PLXNA2: variants seen among roughly 807,000 people sequenced by gnomAD.
PLXNA2 encodes the protein plexin-A2.
In PLXNA2, 91 loss-of-function variants were observed where a neutral mutation model predicts 193.5. That is an observed-to-expected ratio of 0.47 (90% CI 0.40 to 0.56). PLXNA2 has a LOEUF of 0.56. Among genes scored for constraint, PLXNA2 ranks in the 20% least tolerant of loss-of-function variants. The probability of loss-of-function intolerance (pLI) is 0.00; values close to 1 mark genes in which losing one functional copy is unlikely to be tolerated. For missense variants in PLXNA2, 1,995 were observed against 2,503.2 expected (o/e 0.80, Z 4.33); for synonymous variants, 997 against 1,027.3 (o/e 0.97, Z 0.56).
In PLXNA2 at chr1:208,217,604, G is replaced by A; in HGVS notation, c.319C>T (p.Leu107Phe). Residue 107 changes from leucine (L) to phenylalanine (F), a missense_variant, in exon 2 of 32, where the codon CTC (leucine) becomes TTC (phenylalanine). This residue lies in a region of PLXNA2 where 702 missense variants were observed against 812.9 expected (regional missense o/e 0.86). Transcript: ENST00000367033. The surrounding 1 kb of genome is among the most constrained non-coding windows in gnomAD (Gnocchi z 4.7). ...PLIVQPCSEVLTLTNNVNKLL... is the reference protein window; with the variant it reads ...PLIVQPCSEVFTLTNNVNKLL... ...TTGTTGACATTGTTGGTGAGGGTGAGCACTTCGCTGCAGGGCTGCACGATG... is the reference window on the plus strand; with the variant it reads ...TTGTTGACATTGTTGGTGAGGGTGAACACTTCGCTGCAGGGCTGCACGATG... 2 of 1,614,192 alleles carry A rather than the reference G, an allele frequency of 1.2e-6. No individual in the cohort carries two copies. Among genetic ancestry groups the A allele is most frequent in the Non-Finnish European group, 1.7e-6 (2 of 1,180,032 alleles).
At chr1:208,032,728 G>A (rs1020692635) in intron 28 of PLXNA2, among the ~76,000 whole-genome samples, 1 of 151,248 alleles carries the variant, frequency 6.6e-6, no homozygotes, top group Non-Finnish European at 1.5e-5. Flanking sequence ...GATGGGATGG[G>A]AAGAGGAAGC....
chr1:208,045,126 C>T lies in PLXNA2; in HGVS notation c.3580G>A (p.Val1194Ile), dbSNP rs371818683. Residue 1194 changes from valine (V) to isoleucine (I), a missense_variant, in exon 19 of 32, where the codon GTA (valine) becomes ATA (isoleucine). Val to Ile is a conservative substitution (Grantham distance 29). Transcript: ENST00000367033. ...LIGETPCAVTVSETQLLCEPP... is the reference protein window; with the variant it reads ...LIGETPCAVTISETQLLCEPP... ...TCGCAGAGAAGCTGGGTCTCAGATACGGTGACAGCACAAGGGGTCTCTCCG... is the reference window on the plus strand; with the variant it reads ...TCGCAGAGAAGCTGGGTCTCAGATATGGTGACAGCACAAGGGGTCTCTCCG... 4.1e-5 allele frequency: 66 copies of T among 1,614,126 alleles called. No homozygotes were observed. The African/African-American group carries it at 5.2e-4, about 13-fold the overall frequency.
chr1:208,238,226 C>A (rs1023435406), intron 1 of PLXNA2, among the ~76,000 whole-genome samples: 1 of 152,166 alleles, frequency 6.6e-6, no homozygotes, highest in East Asian at 1.9e-4. Context: ...GCTCTTCACT[C>A]GGAGCCCTGG....
At chr1:208,059,036 T>C (rs1665531996) in intron 13 of PLXNA2, among the ~76,000 whole-genome samples, 1 of 152,138 alleles carries the variant, frequency 6.6e-6, no homozygotes, top group South Asian at 2.1e-4. Flanking sequence ...CCTAGCCCTT[T>C]CCTTTGGATT....
chr1:208,216,244 G>T (rs1197916354), intron 2 of PLXNA2, among the ~76,000 whole-genome samples: 1 of 152,172 alleles, frequency 6.6e-6, no homozygotes, highest in African/African-American at 2.4e-5. Flanking sequence ...CTGGACACTT[G>T]TGTGGCTCCC....
intron 26 of PLXNA2, among the ~76,000 whole-genome samples, chr1:208,035,204 C>A (rs1664633753): frequency 6.6e-6 from 1 of 152,100 alleles, no homozygotes; most frequent in Admixed American, 6.5e-5. Context: ...CATAGGGAGG[C>A]TAAGCAACCT....
chr1:208,044,962 A>AG lies in PLXNA2; in HGVS notation c.3639+104dup, dbSNP rs1228218091. On this transcript the variant is annotated intron_variant, in intron 19 of 31. Coordinates refer to ENST00000367033, the MANE Select transcript of PLXNA2 (RefSeq NM_025179.4). The surrounding 1 kb of genome is among the most constrained non-coding windows in gnomAD (Gnocchi z 4.9). The stretch of plus-strand genomic sequence containing the variant: ...AGGACCCAGAGATGAGGAGATATGG[A>AG]GGGGGTGAGTCAGGCAACGAGACAG... 1.5e-6 allele frequency: 2 copies of AG among 1,337,728 alleles called. No homozygotes were observed. Among genetic ancestry groups the AG allele is most frequent in the Non-Finnish European group, 1.1e-6 (1 of 942,494 alleles). The allele number at this position is 1,337,728 out of a possible 1,614,324, so 82.9% of individuals were successfully genotyped here. A position where few individuals can be genotyped will look rare whatever the true frequency, so the allele number is the denominator to read the frequency against.
intron 1 of PLXNA2, among the ~76,000 whole-genome samples, chr1:208,232,296 T>C (rs1243384664): frequency 6.6e-6 from 1 of 152,204 alleles, no homozygotes; most frequent in Non-Finnish European, 1.5e-5. Flanking sequence ...GCAACCCCTC[T>C]GAAGACCAAG....
chr1:208,048,999 G>C (rs1364528000), intron 17 of PLXNA2, among the ~76,000 whole-genome samples: 1 of 152,132 alleles, frequency 6.6e-6, no homozygotes, highest in Admixed American at 6.5e-5. Context: ...CTGGGACCAG[G>C]CACCAAACAT....
intron 3 of PLXNA2, among the ~76,000 whole-genome samples, chr1:208,196,476 G>A (rs1388996508): frequency 1.3e-5 from 2 of 152,190 alleles, no homozygotes; most frequent in Non-Finnish European, 2.9e-5. Context: ...GCAGACAACA[G>A]AAGTGAATGC....
At position 208,044,324 on chromosome 1, in the gene PLXNA2, A is replaced by C. The variant is rs1049492575; in HGVS notation, c.3874+184T>G. Among the ~76,000 whole-genome samples, 3 of 152,250 alleles carry C rather than the reference A, an allele frequency of 2.0e-5. No homozygotes were observed. Among genetic ancestry groups the C allele is most frequent in the Admixed American group, 1.3e-4 (2 of 15,290 alleles). On this transcript the variant is annotated intron_variant, in intron 20 of 31. Transcript: ENST00000367033. This position sits in a 1 kb window ranked among gnomAD's most constrained non-coding sequence, Gnocchi z 4.9. ...GGACCTGGGTCCTCATGCAGTGGGC[A>C]TTCTTCATTGGACATCTCTGACCCT...
chr1:208,050,115 A>T (rs140609820), intron 17 of PLXNA2, among the ~76,000 whole-genome samples: 129 of 152,368 alleles, frequency 8.5e-4, no homozygotes, highest in African/African-American at 3.0e-3. Context: ...ATGGCTATGC[A>T]TGGAAGACTA....
intron 1 of PLXNA2, among the ~76,000 whole-genome samples, chr1:208,233,391 C>T (rs74155214): frequency 0.084 from 12,783 of 152,252 alleles, 794 homozygotes; most frequent in African/African-American, 0.17. Context: ...AATGTTGCCT[C>T]TTCCCATCCC....
intron 3 of PLXNA2, among the ~76,000 whole-genome samples, chr1:208,187,640 A>C (rs1173014887): frequency 6.6e-6 from 1 of 152,246 alleles, no homozygotes; most frequent in Non-Finnish European, 1.5e-5. Context: ...GACGTCTGCA[A>C]GGTACTCTGT....
At chr1:208,095,920 T>C in intron 8 of PLXNA2, 109 bp downstream of exon 8, 1 of 804,136 alleles carries the variant, frequency 1.2e-6, no homozygotes, top group Non-Finnish European at 2.1e-6. Context: ...GGGGAAACTG[T>C]GAGGTGACTA....
At chr1:208,055,495 C>G (rs1665401931) in intron 13 of PLXNA2, among the ~76,000 whole-genome samples, 1 of 152,110 alleles carries the variant, frequency 6.6e-6, no homozygotes, top group Non-Finnish European at 1.5e-5. Context: ...AGGGCCCTGA[C>G]AGCTCAGCTA....
At chr1:208,204,253 G>C (rs1053830830) in intron 3 of PLXNA2, among the ~76,000 whole-genome samples, 3 of 152,190 alleles carry the variant, frequency 2.0e-5, no homozygotes, top group African/African-American at 7.2e-5. Context: ...AGAGACTGGT[G>C]GGGGAAGCAG....
intron 3 of PLXNA2, among the ~76,000 whole-genome samples, chr1:208,170,867 C>T (rs1669473929): frequency 6.6e-6 from 1 of 151,968 alleles, no homozygotes; most frequent in African/African-American, 2.4e-5. Context: ...AAAATATAGT[C>T]CTTGCTCTCA....
At chr1:208,084,242 G>T (rs1666437469) in intron 10 of PLXNA2, 138 bp downstream of exon 10, 1 of 855,122 alleles carries the variant, frequency 1.2e-6, no homozygotes, top group Non-Finnish European at 1.8e-6. Context: ...GTGCTGGCTG[G>T]CTCCTGCATC....
Sources: allele counts gnomAD v4.1 joint callset (sites outside exome capture counted in the v4.1 genomes callset), GRCh38; gene constraint gnomAD v4.1.1; regional missense constraint gnomAD v4.1.1; non-coding constraint Gnocchi (gnomAD v3.1); transcripts MANE v1.5; gene names NCBI Gene and HGNC (gene_info 2026-07-23, HGNC 2026-07-21).